UNC13C: variants seen among roughly 807,000 people sequenced by gnomAD.
The protein encoded by UNC13C is protein unc-13 homolog C.
UNC13C carries 174 observed loss-of-function variants against 245.4 expected under a neutral mutation model. That is an observed-to-expected ratio of 0.71 (90% CI 0.63 to 0.80). The LOEUF is 0.80. UNC13C is among the 30% of genes least tolerant of loss of function. UNC13C has a pLI of 0.00. For synonymous variants in UNC13C, 992 were observed against 895.1 expected, an observed-to-expected ratio of 1.11 and a Z score of -1.93; for missense variants, 2,829 against 2,602.9, an observed-to-expected ratio of 1.09 and a Z score of -1.89.
At chr15:54,523,859 G>T (rs2141135896) in intron 24 of UNC13C, among the ~76,000 whole-genome samples, 1 of 152,282 alleles carries the variant, frequency 6.6e-6, no homozygotes, top group African/African-American at 2.4e-5. Context: ...CCTGAAGAAA[G>T]CCACATGGCA....
chr15:54,476,351 G>A (rs1876808392), intron 19 of UNC13C, among the ~76,000 whole-genome samples: 1 of 146,964 alleles, frequency 6.8e-6, no homozygotes, highest in African/African-American at 2.5e-5. Context: ...TGTTGCCATT[G>A]CTTTTGGTGT....
At chr15:53,848,391 T>C in the UNC13C span, among the ~76,000 whole-genome samples, 2 of 152,290 alleles carry the variant, frequency 1.3e-5, no homozygotes, top group South Asian at 4.1e-4. Flanking sequence ...CCTATTGAGA[T>C]GTGTGTTATT....
chr15:54,327,472 G>A (rs887733203), intron 14 of UNC13C, among the ~76,000 whole-genome samples: 4 of 151,642 alleles, frequency 2.6e-5, no homozygotes, highest in Non-Finnish European at 5.9e-5. Flanking sequence ...AATGCCACAT[G>A]CGTTTTAGTG....
chr15:54,512,532 G>A lies in UNC13C; in HGVS notation c.5457+702G>A, dbSNP rs115927287. 1.0e-2 allele frequency among the ~76,000 whole-genome samples: 1,515 copies of A among 152,216 alleles called. 28 individuals are homozygous for A. Among genetic ancestry groups the A allele is most frequent in the African/African-American group, 0.034 (1,415 of 41,538 alleles). On this transcript the variant is annotated intron_variant, in intron 24 of 32. Transcript: ENST00000260323. ...GCTATGCACCTGCATCTTCCTGCCT[G>A]CCACAGTCTTTTCTTTCATAAACTG...
chr15:54,045,797 T>G (rs1897012679), intron 2 of UNC13C, among the ~76,000 whole-genome samples: 1 of 152,220 alleles, frequency 6.6e-6, no homozygotes, highest in Non-Finnish European at 1.5e-5. Context: ...CAAACTAGCT[T>G]TAGCATCCAT....
chr15:54,476,397 G>C (rs1287549859), intron 19 of UNC13C, among the ~76,000 whole-genome samples: 2 of 150,818 alleles, frequency 1.3e-5, no homozygotes, highest in Non-Finnish European at 3.0e-5. Flanking sequence ...CCTATGTCTT[G>C]AATGGTAATG....
intron 2 of UNC13C, among the ~76,000 whole-genome samples, chr15:54,029,926 T>C (rs1434413492): frequency 6.6e-6 from 1 of 152,168 alleles, no homozygotes; most frequent in Non-Finnish European, 1.5e-5. Context: ...ATTGAGGGAT[T>C]CCACTCAGCA....
Position 54,189,643 on chromosome 15 carries a change from A to G in UNC13C, c.3072-45387A>G, listed in dbSNP as rs375136910. ...ATTTGATTAAAAATTGAATTTTTTA[A>G]TGCAACACAAATGGAAACAAGATAA... is the stretch of plus-strand genomic sequence containing the variant. On this transcript the variant is annotated intron_variant, in intron 4 of 32. Transcript: ENST00000260323. Among the ~76,000 whole-genome samples, 15 of 152,318 alleles carry G rather than the reference A, an allele frequency of 9.8e-5. No homozygotes were observed. The East Asian group carries it at 2.5e-3, about 25-fold the overall frequency.
At chr15:54,288,334 C>G (rs890469083) in intron 10 of UNC13C, among the ~76,000 whole-genome samples, 13 of 152,156 alleles carry the variant, frequency 8.5e-5, no homozygotes, top group Admixed American at 7.2e-4. Context: ...TTATCAGTGC[C>G]TACACTCAAG....
chr15:54,250,195 G>A lies in UNC13C; in HGVS notation c.3229-30G>A, dbSNP rs192655469. On this transcript the variant is annotated intron_variant, in intron 7 of 32. Coordinates refer to ENST00000260323, the MANE Select transcript of UNC13C (RefSeq NM_001080534.3). Reference sequence around the variant, plus strand: ...ACAATTCAAATCCACTGACTTGGCGGTGCATTGGTAACTTCTCTCATGTTC... The same window carrying A: ...ACAATTCAAATCCACTGACTTGGCGATGCATTGGTAACTTCTCTCATGTTC... 3.1e-3 allele frequency: 4,884 copies of A among 1,588,318 alleles called. 11 individuals carry two copies. The highest frequency in any genetic ancestry group is 3.8e-3 in the Non-Finnish European group (4,402 of 1,156,952).
At chr15:54,079,093 T>C (rs1333771092) in intron 2 of UNC13C, among the ~76,000 whole-genome samples, 2 of 152,122 alleles carry the variant, frequency 1.3e-5, no homozygotes, top group Non-Finnish European at 2.9e-5. Flanking sequence ...TCTATTTTTG[T>C]TGACTTTGTA....
At chr15:53,992,715 C>T (rs1894446493) in intron 1 of UNC13C, among the ~76,000 whole-genome samples, 1 of 152,028 alleles carries the variant, frequency 6.6e-6, no homozygotes, top group African/African-American at 2.4e-5. Flanking sequence ...ACCTGGTGCT[C>T]AGCTTTTTCT....
chr15:54,041,779 G>A (rs1896815659), intron 2 of UNC13C, among the ~76,000 whole-genome samples: 1 of 152,066 alleles, frequency 6.6e-6, no homozygotes, highest in African/African-American at 2.4e-5. Context: ...ATGGATATCT[G>A]GTACATAATA....
intron 28 of UNC13C, among the ~76,000 whole-genome samples, chr15:54,552,880 A>G (rs1206882121): frequency 9.4e-4 from 1 of 1,060 alleles, no homozygotes; most frequent in Non-Finnish European, 1.9e-3. Context: ...TATATATTGT[A>G]TTCTATATTA....
intron 2 of UNC13C, among the ~76,000 whole-genome samples, chr15:54,054,793 A>G (rs1382279279): frequency 6.6e-6 from 1 of 151,016 alleles, no homozygotes; most frequent in Non-Finnish European, 1.5e-5. Context: ...TCACGAACAT[A>G]TTTATTTTTT....
intron 30 of UNC13C, among the ~76,000 whole-genome samples, chr15:54,610,322 G>A (rs1377064192): frequency 6.6e-6 from 1 of 151,844 alleles, no homozygotes; most frequent in Non-Finnish European, 1.5e-5. Context: ...TTCAGCCTCC[G>A]CCTTCCGGGT....
At chr15:54,461,078 T>C (rs114753481) in intron 19 of UNC13C, among the ~76,000 whole-genome samples, 1 of 152,220 alleles carries the variant, frequency 6.6e-6, no homozygotes, top group African/African-American at 2.4e-5. Context: ...AATTTCTTAT[T>C]TTTTTGACTT....
intron 10 of UNC13C, among the ~76,000 whole-genome samples, chr15:54,289,790 A>G (rs1487335710): frequency 6.6e-6 from 1 of 152,008 alleles, no homozygotes; most frequent in Non-Finnish European, 1.5e-5. Context: ...AGTACTACAT[A>G]GCATCCACTG....
intron 1 of UNC13C, among the ~76,000 whole-genome samples, chr15:53,991,318 T>C (rs1894377691): frequency 6.6e-6 from 1 of 152,006 alleles, no homozygotes; most frequent in Non-Finnish European, 1.5e-5. Context: ...TAAGATGAAG[T>C]AGACCGCTTG....
Sources: allele counts gnomAD v4.1 joint callset (sites outside exome capture counted in the v4.1 genomes callset), GRCh38; gene constraint gnomAD v4.1.1; transcripts MANE v1.5; gene names NCBI Gene and HGNC (gene_info 2026-07-23, HGNC 2026-07-21).